TMEM255B: variants seen among roughly 807,000 people sequenced by gnomAD.
TMEM255B encodes family with sequence similarity 70, member B.
Under a neutral mutation model 34.5 loss-of-function variants are expected in TMEM255B, and 35 were observed. That is an observed-to-expected ratio of 1.01 (90% CI 0.77 to 1.34). TMEM255B has a LOEUF of 1.34. Ranked by LOEUF, TMEM255B falls within the 40% of genes most tolerant of loss-of-function variation. The pLI is 0.00. For missense variants in TMEM255B, 432 were observed against 433.2 expected (o/e 1.00, Z 0.02); for synonymous variants, 206 against 201.2 (o/e 1.02, Z -0.20).
intron 3 of TMEM255B, among the ~76,000 whole-genome samples, chr13:113,771,051 T>G (rs2050469934): frequency 6.6e-6 from 1 of 152,120 alleles, no homozygotes; most frequent in Non-Finnish European, 1.5e-5. Flanking sequence ...AAGCACACAA[T>G]TCAATGGTTT....
chr13:113,811,407 C>T (rs1693836982), intron 8 of TMEM255B, among the ~76,000 whole-genome samples: 1 of 114,050 alleles, frequency 8.8e-6, no homozygotes, highest in African/African-American at 3.6e-5. Context: ...TAAGAGTGGC[C>T]CTGGGTCTCC....
At chr13:113,807,656 G>A (rs1375095761) in intron 8 of TMEM255B, among the ~76,000 whole-genome samples, 2 of 143,610 alleles carry the variant, frequency 1.4e-5, no homozygotes, top group Admixed American at 6.9e-5. Context: ...GCAGGCTTAC[G>A]GGATGTGGGG....
chr13:113,797,097 T>C (rs1214857257), intron 4 of TMEM255B, among the ~76,000 whole-genome samples: 1 of 152,136 alleles, frequency 6.6e-6, no homozygotes. Flanking sequence ...AGGAGCAGGG[T>C]CCAGTCTCTG....
chr13:113,798,203 G>T (rs1394968644), intron 4 of TMEM255B, among the ~76,000 whole-genome samples: 5 of 151,816 alleles, frequency 3.3e-5, no homozygotes, highest in Non-Finnish European at 7.4e-5. Flanking sequence ...ATGGATGGAT[G>T]TGGATGAATG....
Position 113,811,762 on chromosome 13 carries a change from C to T in TMEM255B, c.840C>T (p.Pro280=). 3 of 1,613,856 alleles carry T rather than the reference C, an allele frequency of 1.9e-6. No individual in the cohort carries two copies. The highest frequency in any genetic ancestry group is 1.7e-6 in the Non-Finnish European group (2 of 1,179,860). Residue 280 remains proline, a synonymous_variant, in exon 9 of 9, where the codon CCC becomes CCT. Transcript: ENST00000375353. ...CCTGCAGCCGCTTCCCAGTTGCGCC[C>T]TCCTCTGCCCTGGCTTCGTCTGAGG... The part of the protein sequence containing the change: ...LQPCSRFPVA[P]SSALASSEDL...
chr13:113,809,557 T>G, intron 8 of TMEM255B, among the ~76,000 whole-genome samples: 1 of 78,368 alleles, frequency 1.3e-5, no homozygotes, highest in Non-Finnish European at 2.3e-5. Flanking sequence ...CTGTGGTTCC[T>G]GGGGGGAGGG....
At chr13:113,766,310 C>T in intron 2 of TMEM255B, 53 bp downstream of exon 2, 2 of 1,609,828 alleles carry the variant, frequency 1.2e-6, no homozygotes, top group African/African-American at 2.7e-5. Flanking sequence ...TGGTGTGTGG[C>T]TCTCTCAGGG....
chr13:113,775,927 CTT>C (rs1200675612), intron 3 of TMEM255B, among the ~76,000 whole-genome samples: 5 of 152,240 alleles, frequency 3.3e-5, no homozygotes, highest in Non-Finnish European at 2.9e-5. Flanking sequence ...TTGAGTCAGA[CTT>C]TTCCAGGTGC....
chr13:113,807,951 A>G (rs1483953211), intron 8 of TMEM255B, among the ~76,000 whole-genome samples: 1 of 152,134 alleles, frequency 6.6e-6, no homozygotes, highest in Non-Finnish European at 1.5e-5. Context: ...CAAAGGGTGG[A>G]TGTTCCCCTC....
In TMEM255B at chr13:113,765,974, TC is replaced by T. The variant is rs143702148; in HGVS notation, c.47-137del. On this transcript the variant is annotated intron_variant, in intron 1 of 8. Transcript: ENST00000375353. Reference sequence around the variant, plus strand: ...GTTATCTAATGGAGGTTGGGGGTGGTCCCCTGAGGTGGGCCTGGAGGCAGGC... The same window carrying T: ...GTTATCTAATGGAGGTTGGGGGTGGTCCCTGAGGTGGGCCTGGAGGCAGGC... The T allele has an allele frequency of 1.2e-3, 1,154 of 1,000,536 alleles. 4 individuals are homozygous for T. In the African/African-American group the frequency reaches 0.016, roughly 14 times the overall value. The allele number at this position is 1,000,536 out of a possible 1,614,324, so 62.0% of individuals were successfully genotyped here. A position where few individuals can be genotyped will look rare whatever the true frequency, so the allele number is the denominator to read the frequency against.
At chr13:113,797,231 G>T (rs1397539846) in intron 4 of TMEM255B, among the ~76,000 whole-genome samples, 1 of 152,264 alleles carries the variant, frequency 6.6e-6, no homozygotes. Flanking sequence ...AGGGCCCCTG[G>T]CCGGGGCCTC....
chr13:113,802,837 CG>C (rs2051091147), intron 7 of TMEM255B, among the ~76,000 whole-genome samples: 1 of 148,360 alleles, frequency 6.7e-6, no homozygotes, highest in African/African-American at 2.5e-5. Flanking sequence ...GGCCCCCAGA[CG>C]CCCGCACACC....
At chr13:113,773,718 T>C (rs760957217) in intron 3 of TMEM255B, among the ~76,000 whole-genome samples, 47 of 152,256 alleles carry the variant, frequency 3.1e-4, no homozygotes, top group Non-Finnish European at 5.4e-4. Flanking sequence ...GGAACCTGGC[T>C]GTCCGTGAGT....
At chr13:113,768,961 G>A (rs1036322885) in intron 2 of TMEM255B, 137 bp from the exon 3 acceptor site, 8 of 895,474 alleles carry the variant, frequency 8.9e-6, no homozygotes, top group Admixed American at 6.0e-5. Context: ...AGTGGTTGAG[G>A]TTCTTGAGGT....
chr13:113,799,036 C>A (rs2050994211), intron 4 of TMEM255B, among the ~76,000 whole-genome samples: 1 of 152,124 alleles, frequency 6.6e-6, no homozygotes, highest in Non-Finnish European at 1.5e-5. Flanking sequence ...GTAGGGATGC[C>A]CCTCAAAAGG....
chr13:113,778,427 T>C (rs546955753), intron 3 of TMEM255B, among the ~76,000 whole-genome samples: 208 of 152,168 alleles, frequency 1.4e-3, no homozygotes, highest in African/African-American at 4.8e-3. Flanking sequence ...GATATGACGA[T>C]GATCACCTGT....
intron 7 of TMEM255B, among the ~76,000 whole-genome samples, chr13:113,804,531 A>T (rs966677548): frequency 1.3e-5 from 2 of 152,130 alleles, no homozygotes; most frequent in Non-Finnish European, 2.9e-5. Context: ...GGGCCCTGGG[A>T]CCAAGATGTA....
chr13:113,794,576 G>A (rs1439770497), intron 3 of TMEM255B, among the ~76,000 whole-genome samples: 2 of 151,996 alleles, frequency 1.3e-5, no homozygotes, highest in East Asian at 3.9e-4. Flanking sequence ...AGGGGTCCAC[G>A]GGGATGGAGA....
intron 3 of TMEM255B, among the ~76,000 whole-genome samples, chr13:113,789,389 G>T (rs1450256703): frequency 6.6e-6 from 1 of 152,186 alleles, no homozygotes; most frequent in Non-Finnish European, 1.5e-5. Context: ...TGGGTTGCTT[G>T]TGTCTTTGGA....
Sources: gnomAD v4.1 joint callset for allele counts (sites outside exome capture counted in the v4.1 genomes callset) on GRCh38, gnomAD v4.1.1 for gene constraint, MANE v1.5 for transcripts, NCBI Gene and HGNC (gene_info 2026-07-23, HGNC 2026-07-21) for gene names.